CD55: variants seen among roughly 807,000 people sequenced by gnomAD.
CD55 encodes the protein CD55 molecule (Cromer blood group), also known as complement decay-accelerating factor.
CD55 carries 41 observed loss-of-function variants against 45.8 expected under a neutral mutation model. The ratio of observed to expected loss-of-function variants is 0.90; its 90% CI spans 0.70 to 1.16. CD55 has a LOEUF of 1.16. Among genes scored for constraint, CD55 ranks in the 50% most tolerant of loss-of-function variants. The pLI is 0.00. For missense variants in CD55, 416 were observed against 469.8 expected, an observed-to-expected ratio of 0.89 and a Z score of 1.06; for synonymous variants, 181 against 181.1, an observed-to-expected ratio of 1.00 and a Z score of 0.01.
chr1:207,321,906 G>T, intron 1 of CD55, 41 bp downstream of exon 1: 1 of 1,406,048 alleles, frequency 7.1e-7, no homozygotes, highest in Non-Finnish European at 9.5e-7. Flanking sequence ...CCTGGGCTGG[G>T]TGGGAGGTCC....
chr1:207,342,348 G>A (rs567513378), intron 9 of CD55, among the ~76,000 whole-genome samples: 2 of 152,262 alleles, frequency 1.3e-5, no homozygotes, highest in South Asian at 4.1e-4. Flanking sequence ...TTGAATAGAA[G>A]TGGTGAAAGT....
intron 9 of CD55, among the ~76,000 whole-genome samples, chr1:207,349,271 C>T (rs1261453956): frequency 6.6e-6 from 1 of 151,660 alleles, no homozygotes; most frequent in Non-Finnish European, 1.5e-5. Flanking sequence ...CAACCTCCGT[C>T]TCCTGGGTTC....
intron 7 of CD55, chr1:207,337,121 C>G: frequency 3.3e-6 from 2 of 606,170 alleles, no homozygotes; most frequent in South Asian, 4.1e-5. Context: ...ATCAAAAACC[C>G]TATCTACAAA....
intron 9 of CD55, among the ~76,000 whole-genome samples, chr1:207,358,991 C>T (rs1656182033): frequency 6.6e-6 from 1 of 152,070 alleles, no homozygotes; most frequent in Non-Finnish European, 1.5e-5. Flanking sequence ...CCTTGTATTT[C>T]TCCTTTTGCT....
chr1:207,359,353 T>G (rs946344913), intron 9 of CD55, among the ~76,000 whole-genome samples, 193 bp from the exon 10 acceptor site: 7 of 152,096 alleles, frequency 4.6e-5, no homozygotes, highest in Non-Finnish European at 7.4e-5. Context: ...TTTTAGTTGT[T>G]GCTGTAGCTG....
intron 5 of CD55, among the ~76,000 whole-genome samples, chr1:207,328,520 T>A (rs576126917): frequency 1.3e-5 from 2 of 152,348 alleles, no homozygotes; most frequent in African/African-American, 2.4e-5. Flanking sequence ...GTGGACACAT[T>A]CACTAATTGT....
Position 207,341,359 on chromosome 1 carries a change from C to T in CD55, c.1081+1942C>T, listed in dbSNP as rs138925085. Among the ~76,000 whole-genome samples, 512 of 152,146 alleles carry T rather than the reference C, an allele frequency of 3.4e-3. 3 individuals carry two copies. Among genetic ancestry groups the T allele is most frequent in the African/African-American group, 0.01 (431 of 41,512 alleles). On this transcript the variant is annotated intron_variant, in intron 9 of 9. Transcript: ENST00000367064. ...CTTTGCCTAGACTAATGTCCTGTAG[C>T]ATCTTCCTGATGTTTTCTTCTAGTA...
intron 2 of CD55, among the ~76,000 whole-genome samples, chr1:207,324,107 C>T (rs1654557580): frequency 6.6e-6 from 1 of 152,152 alleles, no homozygotes; most frequent in South Asian, 2.1e-4. Context: ...CTCATCCTTG[C>T]CCCCAGGGCT....
Position 207,337,396 on chromosome 1 carries a change from TG to T in CD55, c.1049del (p.Gly350GlufsTer18). The T allele has an allele frequency of 6.3e-7, 1 of 1,595,328 alleles. No individual in the cohort carries two copies. Among genetic ancestry groups the T allele is most frequent in the African/African-American group, 1.3e-5 (1 of 74,644 alleles). On this transcript the variant is annotated frameshift_variant, in exon 8 of 10. Transcript: ENST00000367064. LOFTEE classifies it low-confidence loss of function (END_TRUNC). ...ATGAAACAACCCCAAATAAAGGAAG[TG>T]GAACCACTTCAGGTCAGTTGACACT... is the stretch of plus-strand genomic sequence containing the variant. ...FHETTPNKGS[G>X]TTSGTTRLLS...
intron 9 of CD55, among the ~76,000 whole-genome samples, chr1:207,343,421 C>G (rs941500042): frequency 6.6e-6 from 1 of 152,118 alleles, no homozygotes; most frequent in Non-Finnish European, 1.5e-5. Context: ...TCCTGAATTT[C>G]TCCCTTGACC....
At chr1:207,332,124 T>G (rs914451850) in intron 6 of CD55, among the ~76,000 whole-genome samples, 2 of 152,100 alleles carry the variant, frequency 1.3e-5, no homozygotes, top group Non-Finnish European at 2.9e-5. Context: ...TGAAAGTCTC[T>G]TCTCTATCAC....
intron 9 of CD55, 130 bp from the exon 10 acceptor site, chr1:207,359,416 T>G: frequency 1.2e-6 from 1 of 857,798 alleles, no homozygotes; most frequent in South Asian, 2.0e-5. Context: ...TTATTTTTTT[T>G]GTTTTGCACC....
chr1:207,329,066 A>G (rs1247868229), intron 5 of CD55, among the ~76,000 whole-genome samples: 1 of 152,178 alleles, frequency 6.6e-6, no homozygotes, highest in African/African-American at 2.4e-5. Flanking sequence ...AGGTGAGTAT[A>G]TCAGCAGGAT....
intron 9 of CD55, among the ~76,000 whole-genome samples, chr1:207,343,203 C>A (rs563267456): frequency 1.3e-5 from 2 of 151,810 alleles, no homozygotes; most frequent in African/African-American, 4.8e-5. Context: ...TTTCTTACTT[C>A]TTTCCTTCTG....
At chr1:207,322,304 G>A (rs1324948228) in intron 1 of CD55, 78 bp from the exon 2 acceptor site, 1 of 1,194,938 alleles carries the variant, frequency 8.4e-7, no homozygotes, top group Admixed American at 1.7e-5. Context: ...GGCATTTCAA[G>A]GGGGCTTGTG....
chr1:207,324,719 A>G lies in CD55; in HGVS notation c.447A>G (p.Leu149=). The G allele has an allele frequency of 1.2e-6, 2 of 1,612,598 alleles. No homozygotes were observed. Among genetic ancestry groups the G allele is most frequent in the Non-Finnish European group, 1.7e-6 (2 of 1,179,382 alleles). The change falls in exon 3 of 10, where the codon TTA becomes TTG. Residue 149 remains leucine (L), a synonymous_variant. Coordinates refer to ENST00000367064, the MANE Select transcript of CD55 (RefSeq NM_000574.5). ...LSPKLTCLQN[L]KWSTAVEFCK... is the part of the protein sequence containing the mutation. Reference sequence around the variant, plus strand: ...CAAAACTAACTTGCCTTCAGAATTTAAAATGGTCCACAGCAGTCGAATTTT... The same window carrying G: ...CAAAACTAACTTGCCTTCAGAATTTGAAATGGTCCACAGCAGTCGAATTTT...
At position 207,345,622 on chromosome 1, in the gene CD55, T is replaced by A. The variant is rs190229122; in HGVS notation, c.1081+6205T>A. ...GTTGCTGGAGAATTATTGTGTTCCTTTGGTGGTATCATATTTTCTTGTTTT... is the reference window on the plus strand; with the variant it reads ...GTTGCTGGAGAATTATTGTGTTCCTATGGTGGTATCATATTTTCTTGTTTT... On this transcript the variant is annotated intron_variant, in intron 9 of 9. Coordinates refer to ENST00000367064, the MANE Select transcript of CD55 (RefSeq NM_000574.5). Among the ~76,000 whole-genome samples the A allele has an allele frequency of 3.5e-4, 54 of 152,292 alleles. 1 individual carries two copies. The highest frequency in any genetic ancestry group is 1.3e-3 in the African/African-American group (52 of 41,556).
intron 9 of CD55, among the ~76,000 whole-genome samples, chr1:207,353,327 A>G (rs998639764): frequency 1.3e-5 from 2 of 152,082 alleles, no homozygotes; most frequent in Non-Finnish European, 2.9e-5. Context: ...CCTCATGGGG[A>G]CTAATAGATC....
rs372076872 is a variant in CD55 at position 207,324,428 on chromosome 1, A to G, written c.287-131A>G. ...CATTGCAAGTGCCATGGTGATATTA[A>G]TATAGTTAAGTACTAAATATGCGCA... On this transcript the variant is annotated intron_variant, in intron 2 of 9. Transcript: ENST00000367064. 1.1e-4 allele frequency: 58 copies of G among 506,554 alleles called. 1 individual carries two copies. The South Asian group carries it at 1.3e-3, about 11-fold the overall frequency. 31.4% of individuals were successfully genotyped at this position (506,554 alleles called of 1,614,324 possible).
Sources: gnomAD v4.1 joint callset for allele counts (sites outside exome capture counted in the v4.1 genomes callset) on GRCh38, gnomAD v4.1.1 for gene constraint, MANE v1.5 for transcripts, NCBI Gene and HGNC (gene_info 2026-07-23, HGNC 2026-07-21) for gene names.